SHISA9: variants seen among roughly 807,000 people sequenced by gnomAD.
SHISA9 encodes shisa family member 9.
A neutral mutation model predicts 38.0 loss-of-function variants in SHISA9; 13 were observed. The observed-to-expected ratio is 0.34, with a 90% CI of 0.22 to 0.54. The LOEUF (loss-of-function observed/expected upper bound fraction) is 0.54. Ranked by LOEUF, SHISA9 falls within the 20% of genes least tolerant of loss-of-function variation. The pLI, the probability that SHISA9 is intolerant of heterozygous loss-of-function variation, is 0.91. For missense variants in SHISA9, 538 were observed against 575.8 expected, an observed-to-expected ratio of 0.93 and a Z score of 0.67; for synonymous variants, 275 against 242.0, an observed-to-expected ratio of 1.14 and a Z score of -1.27.
At chr16:13,057,547 G>T (rs1228091958) in intron 2 of SHISA9, among the ~76,000 whole-genome samples, 1 of 152,164 alleles carries the variant, frequency 6.6e-6, no homozygotes, top group African/African-American at 2.4e-5. Context: ...ATTTTGGGGA[G>T]TAAGAGCCCA....
chr16:12,993,538 A>G (rs2072416885), intron 2 of SHISA9, among the ~76,000 whole-genome samples: 1 of 152,198 alleles, frequency 6.6e-6, no homozygotes, highest in African/African-American at 2.4e-5. Context: ...CCAGTAAAAG[A>G]TAGCTTGGCA....
At chr16:12,929,605 CAG>C (rs2071437521) in intron 2 of SHISA9, among the ~76,000 whole-genome samples, 1 of 150,808 alleles carries the variant, frequency 6.6e-6, no homozygotes, top group South Asian at 2.1e-4. Flanking sequence ...CACATGGACA[CAG>C]GGAGGGGAAC....
intron 2 of SHISA9, among the ~76,000 whole-genome samples, chr16:13,157,307 A>C (rs1025741701): frequency 6.6e-6 from 1 of 152,204 alleles, no homozygotes; most frequent in Admixed American, 6.5e-5. Flanking sequence ...TCGCACTAAT[A>C]TATGTGAAGC....
intron 2 of SHISA9, among the ~76,000 whole-genome samples, chr16:12,921,695 G>A (rs73514744): frequency 0.05 from 7,612 of 152,116 alleles, 649 homozygotes; most frequent in African/African-American, 0.17. Context: ...GAACCCAGGA[G>A]GTCCAGGCTG....
chr16:13,184,294 C>A (rs1418507664), intron 2 of SHISA9, among the ~76,000 whole-genome samples: 3 of 152,170 alleles, frequency 2.0e-5, no homozygotes, highest in Non-Finnish European at 1.5e-5. Flanking sequence ...GATGTTTGAG[C>A]CTATCTTCTG....
At chr16:13,390,079 G>A in the SHISA9 span, among the ~76,000 whole-genome samples, 19 of 151,894 alleles carry the variant, frequency 1.3e-4, no homozygotes, top group Non-Finnish European at 2.6e-4. Flanking sequence ...GTTTGCTGAA[G>A]TGTGAAGTAC....
the SHISA9 span, among the ~76,000 whole-genome samples, chr16:13,271,788 G>A: frequency 6.6e-6 from 1 of 151,910 alleles, no homozygotes; most frequent in East Asian, 1.9e-4. Flanking sequence ...GTGTGTGTGT[G>A]AGAATGTTCT....
At chr16:13,175,243 G>T (rs2050721826) in intron 2 of SHISA9, among the ~76,000 whole-genome samples, 1 of 152,000 alleles carries the variant, frequency 6.6e-6, no homozygotes, top group Admixed American at 6.6e-5. Context: ...GAAAAAATTA[G>T]CTGGGCATGG....
the SHISA9 span, among the ~76,000 whole-genome samples, chr16:13,348,827 T>C: frequency 0.029 from 4,336 of 152,120 alleles, 107 homozygotes; most frequent in African/African-American, 0.065. Context: ...ACTTGTCTTT[T>C]TACCAAAAGC....
chr16:13,536,010 T>C, the SHISA9 span, among the ~76,000 whole-genome samples: 2 of 151,926 alleles, frequency 1.3e-5, no homozygotes, highest in African/African-American at 4.8e-5. Context: ...TCTTTTTTTT[T>C]TTTTTTGAAA....
chr16:13,228,772 G>A (rs2051303409), intron 4 of SHISA9, among the ~76,000 whole-genome samples: 1 of 152,014 alleles, frequency 6.6e-6, no homozygotes, highest in Admixed American at 6.6e-5. Flanking sequence ...TGTCATGGGG[G>A]TTTGTCGTAC....
the SHISA9 span, among the ~76,000 whole-genome samples, chr16:13,335,854 C>G: frequency 2.6e-5 from 4 of 152,226 alleles, no homozygotes; most frequent in Admixed American, 2.6e-4. Flanking sequence ...GCCTTGTACC[C>G]CCTGGTGTCT....
the SHISA9 span, among the ~76,000 whole-genome samples, chr16:13,518,663 C>T: frequency 4.6e-5 from 7 of 152,194 alleles, no homozygotes; most frequent in Admixed American, 3.9e-4. Flanking sequence ...CATTCTACAC[C>T]CTTCTGTTTC....
At chr16:13,296,029 C>A in the SHISA9 span, among the ~76,000 whole-genome samples, 52 of 152,194 alleles carry the variant, frequency 3.4e-4, no homozygotes, top group African/African-American at 1.2e-3. Flanking sequence ...GCCTTTCTTG[C>A]AAATCTGAAA....
intron 2 of SHISA9, among the ~76,000 whole-genome samples, chr16:13,060,138 G>C (rs551663604): frequency 1.3e-5 from 2 of 152,268 alleles, no homozygotes; most frequent in Admixed American, 1.3e-4. Context: ...AATCCCAGAC[G>C]GGCCTGGCTC....
intron 2 of SHISA9, among the ~76,000 whole-genome samples, chr16:12,941,897 G>A (rs1263415419): frequency 1.3e-5 from 2 of 152,176 alleles, no homozygotes; most frequent in Admixed American, 1.3e-4. Flanking sequence ...TAGTCACCCT[G>A]TTGTGCTATC....
intron 2 of SHISA9, among the ~76,000 whole-genome samples, chr16:13,161,350 C>A (rs2142012832): frequency 6.6e-6 from 1 of 152,234 alleles, no homozygotes; most frequent in South Asian, 2.1e-4. Flanking sequence ...ATGTGGCTAG[C>A]CTCACATAAG....
At chr16:13,467,291 G>C in the SHISA9 span, among the ~76,000 whole-genome samples, 1 of 152,158 alleles carries the variant, frequency 6.6e-6, no homozygotes, top group Non-Finnish European at 1.5e-5. Flanking sequence ...AGAAGAAGGA[G>C]GATTCTCTCT....
chr16:13,357,624 A>G, the SHISA9 span, among the ~76,000 whole-genome samples: 1 of 152,266 alleles, frequency 6.6e-6, no homozygotes, highest in African/African-American at 2.4e-5. Flanking sequence ...TGTGTGAGCA[A>G]CATGGCTGTT....
Sources: gnomAD v4.1 joint callset for allele counts (sites outside exome capture counted in the v4.1 genomes callset) on GRCh38, gnomAD v4.1.1 for gene constraint, MANE v1.5 for transcripts, NCBI Gene and HGNC (gene_info 2026-07-23, HGNC 2026-07-21) for gene names.